Variants in PSMA1 observed in about 807,000 individuals in gnomAD.
PSMA1 encodes proteasome subunit alpha type-1.
A neutral mutation model predicts 38.4 loss-of-function variants in PSMA1; 3 were observed. The ratio of observed to expected loss-of-function variants is 0.08; its 90% CI spans 0.04 to 0.20. PSMA1 has a LOEUF of 0.20. PSMA1 is among the 10% of genes least tolerant of loss of function. The pLI is 1.00. For synonymous variants in PSMA1, 101 were observed against 107.1 expected, an observed-to-expected ratio of 0.94 and a Z score of 0.35; for missense variants, 227 against 325.3, an observed-to-expected ratio of 0.70 and a Z score of 2.32.
intron 1 of PSMA1, among the ~76,000 whole-genome samples, chr11:14,641,981 G>A (rs149465567): frequency 9.7e-4 from 148 of 152,308 alleles, no homozygotes; most frequent in African/African-American, 3.4e-3. Flanking sequence ...TAATGGCAGA[G>A]TATGAATGGC....
rs60499933 is a variant in PSMA1 at position 14,508,561 on chromosome 11, C to CAAAAAAAAAAAAAAAAAAAAAAAAA, written c.625-796_625-795insTTTTTTTTTTTTTTTTTTTTTTTTT. Among the ~76,000 whole-genome samples the CAAAAAAAAAAAAAAAAAAAAAAAAA allele has an allele frequency of 2.5e-4, 12 of 47,118 alleles. 4 individuals carry two copies. Among genetic ancestry groups the CAAAAAAAAAAAAAAAAAAAAAAAAA allele is most frequent in the East Asian group, 2.3e-3 (3 of 1,292 alleles). The allele number at this position is 47,118 out of a possible 152,430, so 30.9% of individuals were successfully genotyped here. A position where few individuals can be genotyped will look rare whatever the true frequency, so the allele number is the denominator to read the frequency against. ...TCCTCTTCCAGTCACCACTCCATCT[C>CAAAAAAAAAAAAAAAAAAAAAAAAA]AAAAAAAAAAAAAAAACCCAGATTG... On this transcript the variant is annotated intron_variant, in intron 8 of 9. Transcript: ENST00000396394.
chr11:14,639,514 T>C (rs1035592003), intron 1 of PSMA1, among the ~76,000 whole-genome samples: 6 of 152,198 alleles, frequency 3.9e-5, no homozygotes, highest in African/African-American at 7.2e-5. Context: ...GGCATGAAGA[T>C]TGAGCTAAGA....
intron 2 of PSMA1, among the ~76,000 whole-genome samples, chr11:14,555,641 A>C (rs1014893499): frequency 2.0e-5 from 3 of 151,980 alleles, no homozygotes; most frequent in African/African-American, 7.3e-5. Flanking sequence ...TTCTCTCTTG[A>C]CTTTTCAGTT....
intron 1 of PSMA1, among the ~76,000 whole-genome samples, chr11:14,519,565 A>C (rs1851492300): frequency 6.6e-6 from 1 of 152,190 alleles, no homozygotes; most frequent in Non-Finnish European, 1.5e-5. Flanking sequence ...ATGCCTGTAC[A>C]AGTGCTGTCT....
intron 2 of PSMA1, among the ~76,000 whole-genome samples, chr11:14,578,000 C>T (rs1033228923): frequency 1.3e-5 from 2 of 151,712 alleles, no homozygotes; most frequent in African/African-American, 4.8e-5. Flanking sequence ...CACATGTTGT[C>T]GCTCATAAGT....
intron 2 of PSMA1, among the ~76,000 whole-genome samples, chr11:14,568,661 G>A (rs1767195253): frequency 1.3e-5 from 2 of 152,204 alleles, no homozygotes; most frequent in South Asian, 4.1e-4. Flanking sequence ...GATCTGAGTT[G>A]CCAGGCTTAA....
chr11:14,573,470 T>C (rs1044085647), intron 2 of PSMA1, among the ~76,000 whole-genome samples: 5 of 152,204 alleles, frequency 3.3e-5, no homozygotes, highest in African/African-American at 9.7e-5. Flanking sequence ...CAGGCCTTCA[T>C]GCTAAAAACT....
At chr11:14,520,035 G>A (rs766149598) in intron 1 of PSMA1, 1 of 588,648 alleles carries the variant, frequency 1.7e-6, no homozygotes, top group Non-Finnish European at 3.0e-6. Flanking sequence ...GAACCTGAGG[G>A]GCGAACTCAT....
At chr11:14,572,017 G>A (rs895922220) in intron 2 of PSMA1, among the ~76,000 whole-genome samples, 1 of 152,148 alleles carries the variant, frequency 6.6e-6, no homozygotes, top group African/African-American at 2.4e-5. Flanking sequence ...CAGAAAGCAA[G>A]TCCTTAGAGA....
chr11:14,596,734 A>C (rs1360031908), intron 2 of PSMA1, among the ~76,000 whole-genome samples: 1 of 152,166 alleles, frequency 6.6e-6, no homozygotes, highest in Non-Finnish European at 1.5e-5. Flanking sequence ...AATACCCTTT[A>C]TTTCTTTCCC....
At chr11:14,530,901 CAAAAAA>C (rs10670662) in intron 2 of PSMA1, among the ~76,000 whole-genome samples, 1 of 108,028 alleles carries the variant, frequency 9.3e-6, no homozygotes, top group Admixed American at 1.0e-4. Context: ...GACTCCGTCT[CAAAAAA>C]AAAAAAAAAA....
At chr11:14,565,232 A>G (rs562724424) in intron 2 of PSMA1, among the ~76,000 whole-genome samples, 43 of 152,236 alleles carry the variant, frequency 2.8e-4, no homozygotes, top group African/African-American at 9.4e-4. Flanking sequence ...AGGGTCTGTA[A>G]TGGTATCTCC....
At chr11:14,524,371 AACTGACGAAGTTCC>A (rs1275162162), upstream of PSMA1, among the ~76,000 whole-genome samples, 12 of 152,288 alleles carry the variant, frequency 7.9e-5, no homozygotes, top group African/African-American at 2.9e-4. Context: ...AAATAGCCTT[AACTGACGAAGTTCC>A]ACCATTGATT....
chr11:14,602,107 C>T (rs758743332), intron 2 of PSMA1, among the ~76,000 whole-genome samples: 4 of 152,152 alleles, frequency 2.6e-5, no homozygotes, highest in East Asian at 1.9e-4. Context: ...TCAGTAGAAC[C>T]ATCTATAATG....
At chr11:14,538,359 G>A (rs1481345829) in intron 2 of PSMA1, among the ~76,000 whole-genome samples, 2 of 152,160 alleles carry the variant, frequency 1.3e-5, no homozygotes, top group African/African-American at 2.4e-5. Context: ...TTCCCAGGCT[G>A]GACTCGATGA....
At chr11:14,584,632 G>A (rs1038075076) in intron 2 of PSMA1, among the ~76,000 whole-genome samples, 2 of 151,542 alleles carry the variant, frequency 1.3e-5, no homozygotes, top group African/African-American at 2.4e-5. Flanking sequence ...CCTCATTCAT[G>A]GCCAAAGCCC....
intron 1 of PSMA1, among the ~76,000 whole-genome samples, chr11:14,627,439 C>G (rs892770378): frequency 1.3e-5 from 2 of 152,108 alleles, no homozygotes; most frequent in Non-Finnish European, 2.9e-5. Context: ...TTTTTATCAT[C>G]TGGGTAAAAG....
At chr11:14,567,626 C>G (rs1852087421) in intron 2 of PSMA1, among the ~76,000 whole-genome samples, 1 of 152,196 alleles carries the variant, frequency 6.6e-6, no homozygotes, top group African/African-American at 2.4e-5. Flanking sequence ...TGGTCATTTA[C>G]AGATATGCGC....
chr11:14,552,820 C>CT (rs34932699), intron 2 of PSMA1, among the ~76,000 whole-genome samples: 11,702 of 122,012 alleles, frequency 0.096, 710 homozygotes, highest in Non-Finnish European at 0.12. Context: ...GCTTATATAA[C>CT]TTTTTTTTTT....
Sources: allele counts gnomAD v4.1 joint callset (sites outside exome capture counted in the v4.1 genomes callset), GRCh38; gene constraint gnomAD v4.1.1; transcripts MANE v1.5; gene names NCBI Gene and HGNC (gene_info 2026-07-23, HGNC 2026-07-21).